The following POC1B variants were observed in gnomAD, a reference collection of about 807,000 sequenced individuals.
The protein encoded by POC1B is POC1 centriolar protein homolog B.
A neutral mutation model predicts 60.6 loss-of-function variants in POC1B; 44 were observed. The ratio of observed to expected loss-of-function variants is 0.73; its 90% confidence interval spans 0.57 to 0.93. The LOEUF (loss-of-function observed/expected upper bound fraction) is 0.93, where lower values mean the gene tolerates loss of function less well. Among genes scored for constraint, POC1B ranks in the 40% least tolerant of loss-of-function variants. The pLI is 0.00. For missense variants in POC1B, 555 were observed against 572.3 expected (o/e 0.97, Z 0.31); for synonymous variants, 180 against 198.9 (o/e 0.90, Z 0.80).
rs1458617317 is a variant in POC1B at position 89,505,029 on chromosome 12, T to C, written c.101-7687A>G. ...ACAACAACAAAAATAGGCAAAGGAC[T>C]TAAACAGGCACTTTGCAAAAGAAGA... is the stretch of plus-strand genomic sequence containing the variant. On this transcript the variant is annotated intron_variant, in intron 2 of 11. Transcript: ENST00000313546. Among the ~76,000 whole-genome samples, 7 of 152,148 alleles carry C rather than the reference T, an allele frequency of 4.6e-5. No homozygotes were observed. In the East Asian group the frequency reaches 1.3e-3, roughly 29 times the overall value.
chr12:89,492,908 CTT>C (rs1436189032), intron 3 of POC1B, among the ~76,000 whole-genome samples: 1 of 152,162 alleles, frequency 6.6e-6, no homozygotes, highest in Non-Finnish European at 1.5e-5. Flanking sequence ...GCAAAAGCCT[CTT>C]AACTGGTCTC....
At chr12:89,452,986 C>G (rs1882115287) in intron 10 of POC1B, among the ~76,000 whole-genome samples, 2 of 152,098 alleles carry the variant, frequency 1.3e-5, no homozygotes. Context: ...CAAATAGTCT[C>G]TTTCCAGTCT....
intron 2 of POC1B, chr12:89,521,671 C>T (rs1870889078): frequency 4.4e-6 from 1 of 224,976 alleles, no homozygotes. Context: ...ACCAAAGTTA[C>T]ATTCCTCAGC....
intron 10 of POC1B, among the ~76,000 whole-genome samples, chr12:89,434,415 T>C (rs1017171584): frequency 2.0e-5 from 3 of 152,340 alleles, no homozygotes; most frequent in East Asian, 3.9e-4. Context: ...TATTATAATC[T>C]CTAGAGAAAC....
chr12:89,524,317 C>T, intron 2 of POC1B: 1 of 1,613,940 alleles, frequency 6.2e-7, no homozygotes, highest in Non-Finnish European at 8.5e-7. Flanking sequence ...GCTGGCTTTC[C>T]CCCACTCCCC....
chr12:89,404,978 G>C, the POC1B span, among the ~76,000 whole-genome samples: 2 of 152,260 alleles, frequency 1.3e-5, no homozygotes, highest in Non-Finnish European at 1.5e-5. Flanking sequence ...CAATGAAGTA[G>C]ATCAGTGGCA....
chr12:89,447,187 A>G (rs1226306191), intron 10 of POC1B, among the ~76,000 whole-genome samples: 2 of 152,184 alleles, frequency 1.3e-5, no homozygotes, highest in African/African-American at 4.8e-5. Context: ...TCTCAATTGT[A>G]ACTATTTGGT....
At chr12:89,501,629 T>G in intron 2 of POC1B, 2 of 1,264,084 alleles carry the variant, frequency 1.6e-6, no homozygotes, top group Admixed American at 2.1e-5. Flanking sequence ...AACAAACTTG[T>G]GTCTGAAGAA....
At chr12:89,423,186 C>CTGT (rs1048171951) in intron 11 of POC1B, among the ~76,000 whole-genome samples, 3 of 151,994 alleles carry the variant, frequency 2.0e-5, no homozygotes, top group African/African-American at 2.4e-5. Context: ...CTTGTTGTTG[C>CTGT]TGTTGTTGTT....
At chr12:89,495,200 AC>A (rs1476213866) in intron 3 of POC1B, among the ~76,000 whole-genome samples, 1 of 152,232 alleles carries the variant, frequency 6.6e-6, no homozygotes, top group East Asian at 1.9e-4. Flanking sequence ...TAGCTCATCT[AC>A]CCTTATACAA....
intron 9 of POC1B, 55 bp downstream of exon 9, chr12:89,466,715 G>C (rs572194183): frequency 6.7e-6 from 10 of 1,500,024 alleles, no homozygotes; most frequent in Admixed American, 2.0e-5. Context: ...ACCTCCTTCA[G>C]CAAAAGCCTC....
At chr12:89,454,692 C>CCT (rs1002843463) in intron 10 of POC1B, among the ~76,000 whole-genome samples, 6 of 152,174 alleles carry the variant, frequency 3.9e-5, no homozygotes, top group African/African-American at 1.4e-4. Flanking sequence ...AAATGGCAGC[C>CCT]CTCTACCTAT....
rs755245425 is a variant in POC1B, at chr12:89,525,203, T to G, written c.17A>C (p.Glu6Ala). The G allele has an allele frequency of 2.5e-6, 4 of 1,607,314 alleles. No individual in the cohort carries two copies. In the Admixed American group the frequency reaches 6.7e-5, roughly 27 times the overall value. The stretch of plus-strand genomic sequence containing the variant: ...GAAATAACGCTCCAGAACGGGGTCC[T>G]CCTGGAAAGGAAAGTTGTCAAGTTT... MASAT[E>A]DPVLERYFKG... The change falls in exon 2 of 12, where the codon GAG becomes GCG. Residue 6 changes from glutamate (E) to alanine (A), a missense_variant and splice_region_variant. Coordinates refer to ENST00000313546, the MANE Select transcript of POC1B (RefSeq NM_172240.3).
chr12:89,513,250 G>GAA (rs58165369), intron 2 of POC1B, among the ~76,000 whole-genome samples: 5,770 of 128,872 alleles, frequency 0.045, 307 homozygotes, highest in African/African-American at 0.12. Context: ...TCAAGAATTT[G>GAA]AAAAAAAAAA....
the POC1B span, among the ~76,000 whole-genome samples, chr12:89,412,393 T>C: frequency 6.6e-6 from 1 of 151,242 alleles, no homozygotes; most frequent in Admixed American, 6.6e-5. Flanking sequence ...AAGTTTTTAA[T>C]GTAGGCCAGG....
At chr12:89,491,701 C>T (rs1429348961) in intron 4 of POC1B, among the ~76,000 whole-genome samples, 5 of 151,312 alleles carry the variant, frequency 3.3e-5, no homozygotes. Context: ...CTCCATAGTG[C>T]TTACTGCCAT....
At chr12:89,468,890 A>G (rs947090891) in intron 7 of POC1B, among the ~76,000 whole-genome samples, 1 of 151,238 alleles carries the variant, frequency 6.6e-6, no homozygotes, top group Non-Finnish European at 1.5e-5. Context: ...AGTACCTCAA[A>G]AAAAAAAAGA....
At chr12:89,452,128 G>T (rs1882067647) in intron 10 of POC1B, among the ~76,000 whole-genome samples, 1 of 152,138 alleles carries the variant, frequency 6.6e-6, no homozygotes, top group African/African-American at 2.4e-5. Context: ...GTTACTGGAT[G>T]TGTGGGCTGA....
At chr12:89,410,966 T>C in the POC1B span, among the ~76,000 whole-genome samples, 1 of 152,162 alleles carries the variant, frequency 6.6e-6, no homozygotes. Context: ...AGCATTCCTA[T>C]ACACCAATAA....
Sources: gnomAD v4.1 joint callset for allele counts (sites outside exome capture counted in the v4.1 genomes callset) on GRCh38, gnomAD v4.1.1 for gene constraint, MANE v1.5 for transcripts, NCBI Gene and HGNC (gene_info 2026-07-23, HGNC 2026-07-21) for gene names.